The following DNAH14 variants were observed in gnomAD, a reference collection of about 807,000 sequenced individuals.
The protein encoded by DNAH14 is dynein axonemal heavy chain 14, also known as axonemal beta dynein heavy chain 14.
Under a neutral mutation model 520.9 loss-of-function variants are expected in DNAH14, and 478 were observed. That is an observed-to-expected ratio of 0.92 (90% confidence interval 0.85 to 0.99). The LOEUF (loss-of-function observed/expected upper bound fraction) is 0.99, where lower values mean the gene tolerates loss of function less well. Among genes scored for constraint, DNAH14 ranks in the 50% least tolerant of loss-of-function variants. The pLI is 0.00. For synonymous variants in DNAH14, 1,581 were observed against 1,757.2 expected (o/e 0.90, Z 2.51); for missense variants, 4,831 against 5,234.5 (o/e 0.92, Z 2.38).
chr1:224,964,998 C>CT (rs1172161639), intron 5 of DNAH14, among the ~76,000 whole-genome samples: 2 of 152,086 alleles, frequency 1.3e-5, no homozygotes, highest in East Asian at 1.9e-4. Context: ...TTCTCACACT[C>CT]TAACTCCCTG....
At chr1:225,179,086 A>C (rs2083670181) in intron 36 of DNAH14, among the ~76,000 whole-genome samples, 1 of 152,136 alleles carries the variant, frequency 6.6e-6, no homozygotes, top group Non-Finnish European at 1.5e-5. Context: ...TCCTTTTGTA[A>C]ATTGCCCAGT....
chr1:225,043,902 A>T lies in DNAH14; in HGVS notation c.1831A>T (p.Thr611Ser). The T allele has an allele frequency of 6.5e-7, 1 of 1,527,146 alleles. No homozygotes were observed. The highest frequency in any genetic ancestry group is 1.2e-5 in the South Asian group (1 of 81,218). 94.6% of individuals were successfully genotyped at this position (1,527,146 alleles called of 1,614,324 possible). A position where few individuals can be genotyped will look rare whatever the true frequency, so the allele number is the denominator to read the frequency against. The change falls in exon 15 of 86, where the codon ACA becomes TCA. Residue 611 changes from threonine to serine, a missense_variant. By Grantham distance (58) the Thr-to-Ser change is moderately conservative. Transcript: ENST00000682510. Reference protein sequence around the residue: ...YMYYEFPEFPTNLFIDPNRLE... With the variant: ...YMYYEFPEFPSNLFIDPNRLE... ...CTCTGTTAGATTTCCAGAATTTCCT[A>T]CAAATCTCTTTATAGATCCCAACAG...
At position 225,353,830 on chromosome 1, in the gene DNAH14, C is replaced by A; in HGVS notation, c.11561C>A (p.Thr3854Lys). 6.6e-7 allele frequency: 1 copy of A among 1,516,312 alleles called. No homozygotes were observed. Among genetic ancestry groups the A allele is most frequent in the Non-Finnish European group, 8.9e-7 (1 of 1,122,404 alleles). The allele number at this position is 1,516,312 out of a possible 1,614,324, so 93.9% of individuals were successfully genotyped here. ...ETELLNENKE[T>K]CNPINFPWEK... is the part of the protein sequence containing the mutation. ...GAACTTTTGAATGAAAATAAAGAAA[C>A]GTGTAATCCTATAAATTTTCCCTGG... Residue 3854 changes from threonine (T) to lysine (K), a missense_variant, in exon 73 of 86, where the codon ACG (threonine) becomes AAG (lysine). By Grantham distance (78) the Thr-to-Lys change is moderately conservative. Coordinates refer to ENST00000682510, the MANE Select transcript of DNAH14 (RefSeq NM_001367479.1).
In DNAH14 at chr1:225,272,038, T is replaced by C; in HGVS notation, c.7804T>C (p.Cys2602Arg). Reference sequence around the variant, plus strand: ...GAATATGTTACCAACTCCAACAAAATGTCACTACATGTTTAATCTTCGAGA... The same window carrying C: ...GAATATGTTACCAACTCCAACAAAACGTCACTACATGTTTAATCTTCGAGA... ...RQNMLPTPTK[C>R]HYMFNLRDMF... is the part of the protein sequence containing the mutation. The change falls in exon 51 of 86, where the codon TGT becomes CGT. Residue 2602 changes from cysteine to arginine, a missense_variant. Physicochemically the swap from Cys to Arg is radical, Grantham distance 180. Transcript: ENST00000682510. 6.4e-7 allele frequency: 1 copy of C among 1,550,400 alleles called. No individual in the cohort carries two copies. Among genetic ancestry groups the C allele is most frequent in the Non-Finnish European group, 8.7e-7 (1 of 1,146,530 alleles).
intron 42 of DNAH14, among the ~76,000 whole-genome samples, chr1:225,238,105 C>T (rs1383808172): frequency 6.6e-6 from 1 of 152,156 alleles, no homozygotes; most frequent in Non-Finnish European, 1.5e-5. Flanking sequence ...CATTCTGAAG[C>T]TTACTTCTGT....
At position 225,289,990 on chromosome 1, in the gene DNAH14, G is replaced by A. The variant is rs1156837640; in HGVS notation, c.8377G>A (p.Glu2793Lys). 6 of 1,542,250 alleles carry A rather than the reference G, an allele frequency of 3.9e-6. No individual in the cohort carries two copies. In the South Asian group the frequency reaches 6.1e-5, roughly 16 times the overall value. Residue 2793 changes from glutamate to lysine, a missense_variant, in exon 55 of 86, where the codon GAA (glutamate) becomes AAA (lysine). Glu to Lys is a moderately conservative substitution (Grantham distance 56). Transcript: ENST00000682510. ...TATATCTCACAAATGTGCCTACATC[G>A]AATTCAAAGAAGTCTTTAAAAAGGT... ...VPISHKCAYI[E>K]FKEVFKKVFI...
chr1:224,935,119 C>T (rs939952889), intron 1 of DNAH14, among the ~76,000 whole-genome samples: 1 of 151,750 alleles, frequency 6.6e-6, no homozygotes, highest in African/African-American at 2.4e-5. Flanking sequence ...GGAAAGCACT[C>T]AAATGATACC....
At chr1:224,945,806 A>G (rs2059776874) in intron 1 of DNAH14, among the ~76,000 whole-genome samples, 1 of 152,286 alleles carries the variant, frequency 6.6e-6, no homozygotes, top group Non-Finnish European at 1.5e-5. Flanking sequence ...AGAACAGCGG[A>G]TATTGGTGAA....
At chr1:225,144,831 C>T (rs909191850) in intron 29 of DNAH14, among the ~76,000 whole-genome samples, 12 of 151,926 alleles carry the variant, frequency 7.9e-5, no homozygotes, top group African/African-American at 2.7e-4. Context: ...AATAAGCCAA[C>T]ATATGCTTTT....
chr1:225,286,381 G>A (rs2093743921), intron 54 of DNAH14, among the ~76,000 whole-genome samples: 2 of 152,054 alleles, frequency 1.3e-5, no homozygotes, highest in South Asian at 4.1e-4. Flanking sequence ...TACATTATAT[G>A]TTCATATGGA....
intron 36 of DNAH14, 37 bp from the exon 37 acceptor site, chr1:225,185,254 C>T: frequency 6.5e-7 from 1 of 1,529,656 alleles, no homozygotes; most frequent in South Asian, 1.3e-5. Flanking sequence ...AACTTAAAAT[C>T]ATTAATGAAT....
intron 69 of DNAH14, among the ~76,000 whole-genome samples, chr1:225,345,338 G>T (rs1324934052): frequency 6.6e-6 from 1 of 152,028 alleles, no homozygotes. Flanking sequence ...CATATCATAA[G>T]AAAAAAGCAG....
At chr1:224,991,004 TTG>T (rs2125756476) in intron 8 of DNAH14, among the ~76,000 whole-genome samples, 1 of 152,060 alleles carries the variant, frequency 6.6e-6, no homozygotes, top group African/African-American at 2.4e-5. Context: ...TGATATTTCA[TTG>T]TGTTTTTTAA....
In DNAH14 at chr1:225,290,087, G is replaced by C; in HGVS notation, c.8469+5G>C. 1.4e-6 allele frequency: 2 copies of C among 1,417,442 alleles called. No homozygotes were observed. The highest frequency in any genetic ancestry group is 2.8e-5 in the Admixed American group (1 of 36,304). 87.8% of individuals were successfully genotyped at this position (1,417,442 alleles called of 1,614,324 possible). ...CCCAATTTAAACATAGAACAAGTAAGTACTTTTTGTCTTTGCTATTTGCTG... is the reference window on the plus strand; with the variant it reads ...CCCAATTTAAACATAGAACAAGTAACTACTTTTTGTCTTTGCTATTTGCTG... On this transcript the variant is annotated splice_donor_5th_base_variant and intron_variant, in intron 55 of 85. Transcript: ENST00000682510.
chr1:224,975,511 C>T (rs1157508682), intron 8 of DNAH14, among the ~76,000 whole-genome samples: 6 of 151,840 alleles, frequency 4.0e-5, no homozygotes, highest in Non-Finnish European at 8.8e-5. Flanking sequence ...AGTTTATTTG[C>T]GTAGAGGTGT....
chr1:225,287,948 T>C (rs12085685), intron 54 of DNAH14, among the ~76,000 whole-genome samples: 1,926 of 152,168 alleles, frequency 0.013, 31 homozygotes, highest in East Asian at 0.05. Context: ...TAAATATCCA[T>C]GGGCCCATAC....
At position 225,106,572 on chromosome 1, in the gene DNAH14, G is replaced by T. The variant is rs540291917; in HGVS notation, c.3867+5688G>T. 1.2e-4 allele frequency among the ~76,000 whole-genome samples: 19 copies of T among 152,206 alleles called. No homozygotes were observed. In the East Asian group the frequency reaches 3.7e-3, roughly 29 times the overall value. ...TAGTCCCATATTTCTTGGAGGCTTT[G>T]TCGTTTCTTTTTATTCTTTTTTCTC... is the stretch of plus-strand genomic sequence containing the variant. On this transcript the variant is annotated intron_variant, in intron 23 of 85. Coordinates refer to ENST00000682510, the MANE Select transcript of DNAH14 (RefSeq NM_001367479.1).
At chr1:224,991,258 C>T (rs1475887464) in intron 8 of DNAH14, among the ~76,000 whole-genome samples, 1 of 132,820 alleles carries the variant, frequency 7.5e-6, no homozygotes, top group Non-Finnish European at 1.5e-5. Context: ...CCATGCCCAG[C>T]TAATTTTTTT....
intron 36 of DNAH14, among the ~76,000 whole-genome samples, chr1:225,168,335 G>A (rs2082239103): frequency 6.6e-6 from 1 of 152,180 alleles, no homozygotes; most frequent in Admixed American, 6.5e-5. Flanking sequence ...GCGAGCGTGA[G>A]CCGAAGCAGG....
Sources: allele counts gnomAD v4.1 joint callset (sites outside exome capture counted in the v4.1 genomes callset), GRCh38; gene constraint gnomAD v4.1.1; transcripts MANE v1.5; gene names NCBI Gene and HGNC (gene_info 2026-07-23, HGNC 2026-07-21).